ZNF182: variants seen among roughly 807,000 people sequenced by gnomAD.
ZNF182 encodes zinc finger protein 21 (KOX 14).
Under a neutral mutation model 28.1 loss-of-function variants are expected in ZNF182, and 10 were observed. That is an observed-to-expected ratio of 0.36 (90% CI 0.22 to 0.60). ZNF182 has a LOEUF of 0.60. ZNF182 is among the 20% of genes least tolerant of loss of function. The pLI, the probability that ZNF182 is intolerant of heterozygous loss-of-function variation, is 0.75. For synonymous variants in ZNF182, 156 were observed against 158.7 expected (o/e 0.98, Z 0.13); for missense variants, 352 against 453.2 (o/e 0.78, Z 2.03).
At chrX:48,002,453 T>A (rs181120675) in intron 3 of ZNF182, 142 bp downstream of exon 3, 23 of 835,891 alleles carry the variant, frequency 2.8e-5, no homozygotes, top group African/African-American at 6.1e-5. Context: ...TACATTCTAA[T>A]TTGGCCTTGA....
At chrX:48,000,166 T>C (rs2058974026) in intron 3 of ZNF182, among the ~76,000 whole-genome samples, 1 of 110,123 alleles carries the variant, frequency 9.1e-6, no homozygotes, top group Non-Finnish European at 1.9e-5. Flanking sequence ...AATAATAAAA[T>C]AATAAAGCAA....
Position 47,983,332 on chromosome X carries a change from AGG to A in ZNF182, c.93_94del (p.Leu32ValfsTer51). 1 of 1,211,585 alleles carries A rather than the reference AGG, an allele frequency of 8.3e-7. No individual in the cohort carries two copies. Among genetic ancestry groups the A allele is most frequent in the Non-Finnish European group, 1.1e-6 (1 of 895,391 alleles). On this transcript the variant is annotated frameshift_variant, in exon 4 of 6. Coordinates refer to ENST00000376943, the MANE Select transcript of ZNF182 (RefSeq NM_001007088.2). LOFTEE classifies it high-confidence loss of function. ...GGTCTCCAGCATCACGTCTCTGTAC[AGG>A]GTCCTCTGTGGTGGGTTCAGGTACT...
At chrX:48,002,853 C>T (rs1164014088) in intron 2 of ZNF182, among the ~76,000 whole-genome samples, 200 bp from the exon 3 acceptor site, 1 of 112,244 alleles carries the variant, frequency 8.9e-6, no homozygotes, top group Non-Finnish European at 1.9e-5. Flanking sequence ...GTTTTATATA[C>T]ACATATATTA....
At chrX:47,987,362 G>A (rs1281738390) in intron 3 of ZNF182, among the ~76,000 whole-genome samples, 3 of 112,001 alleles carry the variant, frequency 2.7e-5, no homozygotes, top group African/African-American at 9.7e-5. Context: ...GGCAATGGTC[G>A]ACCAGACAAA....
chrX:47,985,895 C>T (rs1436003047), intron 3 of ZNF182, among the ~76,000 whole-genome samples: 1 of 111,484 alleles, frequency 9.0e-6, no homozygotes, highest in Non-Finnish European at 1.9e-5. Context: ...GCTCCTCCTA[C>T]CTGTAGGTCA....
At chrX:47,997,342 C>T (rs2058962615) in intron 3 of ZNF182, among the ~76,000 whole-genome samples, 1 of 106,328 alleles carries the variant, frequency 9.4e-6, no homozygotes, top group African/African-American at 3.4e-5. Flanking sequence ...ACACAACATA[C>T]TTCAAATATA....
intron 3 of ZNF182, among the ~76,000 whole-genome samples, chrX:47,995,261 G>A (rs1556900949): frequency 9.0e-6 from 1 of 111,106 alleles, no homozygotes; most frequent in East Asian, 2.8e-4. Flanking sequence ...GAACCCAGGA[G>A]GCAGAGGTTG....
chrX:48,001,377 C>T (rs1178764215), intron 3 of ZNF182, among the ~76,000 whole-genome samples: 1 of 112,486 alleles, frequency 8.9e-6, no homozygotes, highest in Non-Finnish European at 1.9e-5. Flanking sequence ...ACTACTGACA[C>T]ACACAACTTT....
chrX:48,000,045 G>T (rs1371794890), intron 3 of ZNF182, among the ~76,000 whole-genome samples: 1 of 108,909 alleles, frequency 9.2e-6, no homozygotes, highest in African/African-American at 3.4e-5. Flanking sequence ...CTAAGGCAGG[G>T]GAATTGCTTG....
intron 3 of ZNF182, among the ~76,000 whole-genome samples, chrX:47,992,260 C>G (rs190075501): frequency 1.4e-3 from 161 of 112,398 alleles, no homozygotes; most frequent in African/African-American, 4.9e-3. Context: ...TTAGCATCCA[C>G]TTTGAATATA....
chrX:48,001,653 T>C (rs1556901927), intron 3 of ZNF182, among the ~76,000 whole-genome samples: 1 of 111,511 alleles, frequency 9.0e-6, no homozygotes, highest in African/African-American at 3.3e-5. Context: ...TGTACTATGG[T>C]TTTTGCAGGA....
chrX:47,978,206 T>C (rs1208497540), intron 5 of ZNF182, among the ~76,000 whole-genome samples: 1 of 111,366 alleles, frequency 9.0e-6, no homozygotes, highest in African/African-American at 3.3e-5. Flanking sequence ...TAGCTGGGAC[T>C]GCAAGCGCGA....
chrX:47,992,691 G>A (rs141081320), intron 3 of ZNF182, among the ~76,000 whole-genome samples: 167 of 111,379 alleles, frequency 1.5e-3, no homozygotes, highest in African/African-American at 4.4e-3. Context: ...GCCCTCTTCC[G>A]TCTGGACCTG....
chrX:48,000,808 A>G (rs1021700634), intron 3 of ZNF182, among the ~76,000 whole-genome samples: 4 of 112,019 alleles, frequency 3.6e-5, no homozygotes, highest in Non-Finnish European at 5.6e-5. Context: ...GAAAACATTT[A>G]CAAACCATGT....
chrX:47,988,869 T>C (rs1032683810), intron 3 of ZNF182, among the ~76,000 whole-genome samples: 2 of 111,713 alleles, frequency 1.8e-5, no homozygotes, highest in Non-Finnish European at 3.8e-5. Flanking sequence ...GTCTGCCTCA[T>C]AGTAAAATGA....
chrX:48,003,978 T>C lies in ZNF182; in HGVS notation c.-309A>G. ...TACAAAGCCTGGCCCCAACAAGCAC[T>C]TCCGCTTCGGGACCGACTCTTTGGC... On this transcript the variant is annotated 5_prime_UTR_variant, in exon 1 of 6. Coordinates refer to ENST00000376943, the MANE Select transcript of ZNF182 (RefSeq NM_001007088.2). The C allele has an allele frequency of 8.9e-6, 1 of 112,468 alleles. No homozygotes were observed. Among genetic ancestry groups the C allele is most frequent in the Middle Eastern group, 4.6e-3 (1 of 217 alleles). 9.3% of individuals were successfully genotyped at this position (112,468 alleles called of 1,213,427 possible). A position where few individuals can be genotyped will look rare whatever the true frequency, so the allele number is the denominator to read the frequency against.
intron 3 of ZNF182, among the ~76,000 whole-genome samples, chrX:47,987,158 T>C (rs2058926044): frequency 8.9e-6 from 1 of 112,020 alleles, no homozygotes; most frequent in Admixed American, 9.5e-5. Context: ...ATATACATAA[T>C]GATTATAAAA....
intron 5 of ZNF182, among the ~76,000 whole-genome samples, chrX:47,982,681 T>C (rs1434505510): frequency 1.8e-5 from 2 of 110,995 alleles, no homozygotes; most frequent in Non-Finnish European, 3.8e-5. Flanking sequence ...CAGGGGGTTG[T>C]GGCATTTAAA....
At chrX:47,990,218 A>T (rs1279457519) in intron 3 of ZNF182, among the ~76,000 whole-genome samples, 6 of 111,379 alleles carry the variant, frequency 5.4e-5, no homozygotes, top group Admixed American at 4.8e-4. Flanking sequence ...CCTCCCCTAA[A>T]TAATATGGGC....
Sources: gnomAD v4.1 joint callset for allele counts (sites outside exome capture counted in the v4.1 genomes callset) on GRCh38, gnomAD v4.1.1 for gene constraint, MANE v1.5 for transcripts, NCBI Gene and HGNC (gene_info 2026-07-23, HGNC 2026-07-21) for gene names.